Variants in NLGN1 observed in about 807,000 individuals in gnomAD.
NLGN1 encodes neuroligin-1.
Under a neutral mutation model 65.5 loss-of-function variants are expected in NLGN1, and 12 were observed. That is an observed-to-expected ratio of 0.18 (90% CI 0.12 to 0.30). The LOEUF is 0.30. Among genes scored for constraint, NLGN1 ranks in the 10% least tolerant of loss-of-function variants. The pLI is 1.00. For synonymous variants in NLGN1, 350 were observed against 359.5 expected (o/e 0.97, Z 0.30); for missense variants, 750 against 1,007.1 (o/e 0.74, Z 3.46).
chr3:173,450,377 G>A (rs1490794201), intron 2 of NLGN1, among the ~76,000 whole-genome samples: 1 of 152,128 alleles, frequency 6.6e-6, no homozygotes, highest in Non-Finnish European at 1.5e-5. Context: ...CTTTAAGAAC[G>A]TTGATATTGG....
intron 3 of NLGN1, among the ~76,000 whole-genome samples, chr3:173,626,903 T>A (rs749976633): frequency 2.6e-4 from 40 of 152,210 alleles, no homozygotes; most frequent in Non-Finnish European, 4.7e-4. Context: ...AAATAGCTGT[T>A]GTAAAAACTG....
chr3:173,965,593 C>T (rs745484535), intron 4 of NLGN1, among the ~76,000 whole-genome samples: 5 of 151,288 alleles, frequency 3.3e-5, no homozygotes, highest in Non-Finnish European at 5.9e-5. Context: ...GATAGGATTA[C>T]AGACGTGAGC....
At chr3:173,987,403 A>C (rs1199618607) in intron 4 of NLGN1, among the ~76,000 whole-genome samples, 1 of 152,190 alleles carries the variant, frequency 6.6e-6, no homozygotes, top group Non-Finnish European at 1.5e-5. Context: ...AAATTAGGTC[A>C]CCATTTATGT....
chr3:173,926,329 C>T (rs753747913), intron 4 of NLGN1, among the ~76,000 whole-genome samples: 3 of 152,034 alleles, frequency 2.0e-5, no homozygotes, highest in Non-Finnish European at 2.9e-5. Context: ...ATCTCAAAAA[C>T]GTCTAAGTCT....
At chr3:174,210,400 A>ATAT (rs752485647) in intron 4 of NLGN1, among the ~76,000 whole-genome samples, 4 of 152,226 alleles carry the variant, frequency 2.6e-5, no homozygotes, top group Non-Finnish European at 5.9e-5. Context: ...TATACAACAA[A>ATAT]TATTTGTTGA....
At chr3:174,107,017 C>CAGAG (rs71162376) in intron 4 of NLGN1, among the ~76,000 whole-genome samples, 31,835 of 97,314 alleles carry the variant, frequency 0.33, 6,027 homozygotes, top group Non-Finnish European at 0.39. Context: ...CACACACACA[C>CAGAG]AGAGAGAGAG....
intron 4 of NLGN1, among the ~76,000 whole-genome samples, chr3:174,215,688 A>G (rs76051258): frequency 1.3e-5 from 2 of 152,182 alleles, no homozygotes; most frequent in African/African-American, 4.8e-5. Context: ...ATGCAAAAAA[A>G]GCAGCTAATT....
Position 173,867,714 on chromosome 3 carries a change from A to G in NLGN1, c.646+59882A>G, listed in dbSNP as rs114885785. 2.9e-3 allele frequency among the ~76,000 whole-genome samples: 445 copies of G among 152,226 alleles called. 6 individuals are homozygous for G. Among genetic ancestry groups the G allele is most frequent in the Middle Eastern group, 0.01 (3 of 294 alleles). On this transcript the variant is annotated intron_variant, in intron 4 of 6. Coordinates refer to ENST00000457714, the Ensembl canonical transcript of NLGN1. ...TAGTGGTGATGAAGGGTACATTCCA[A>G]TTACTCTTTCAATTGTAATAATACA...
chr3:173,478,583 A>G (rs1209383717), intron 2 of NLGN1, among the ~76,000 whole-genome samples: 1 of 152,220 alleles, frequency 6.6e-6, no homozygotes, highest in East Asian at 1.9e-4. Flanking sequence ...TTTACAATGA[A>G]CAATGTCATG....
At chr3:173,611,855 A>G (rs1752352560) in intron 3 of NLGN1, among the ~76,000 whole-genome samples, 1 of 152,064 alleles carries the variant, frequency 6.6e-6, no homozygotes, top group African/African-American at 2.4e-5. Flanking sequence ...AACATTTAAG[A>G]TTTATGCCAC....
At chr3:174,074,977 T>A (rs576178189) in intron 4 of NLGN1, among the ~76,000 whole-genome samples, 1 of 152,294 alleles carries the variant, frequency 6.6e-6, no homozygotes, top group African/African-American at 2.4e-5. Context: ...AATCCACCAC[T>A]CTTGGTCTTC....
In NLGN1 at chr3:174,050,397, CAT is replaced by C. The variant is rs147947658; in HGVS notation, c.647-224917_647-224916del. ...TGACAGTGAAATTTGGACTTTGAAA[CAT>C]TTTTTTTTTCTGTTTTCAGTCCAGG... On this transcript the variant is annotated intron_variant, in intron 4 of 6. Transcript: ENST00000457714. 4.3e-3 allele frequency among the ~76,000 whole-genome samples: 655 copies of C among 151,816 alleles called. 7 individuals carry two copies. Among genetic ancestry groups the C allele is most frequent in the African/African-American group, 0.015 (616 of 41,496 alleles).
chr3:174,252,399 A>G (rs1391102792), intron 4 of NLGN1, among the ~76,000 whole-genome samples: 1 of 152,220 alleles, frequency 6.6e-6, no homozygotes, highest in East Asian at 1.9e-4. Context: ...TTCATATTAT[A>G]ACAAAATATT....
At chr3:173,921,999 G>C (rs1251491969) in intron 4 of NLGN1, among the ~76,000 whole-genome samples, 1 of 152,016 alleles carries the variant, frequency 6.6e-6, no homozygotes, top group Non-Finnish European at 1.5e-5. Flanking sequence ...AGCAACCCAG[G>C]GTGGTGCTAC....
At chr3:174,031,716 A>G (rs995271595) in intron 4 of NLGN1, among the ~76,000 whole-genome samples, 2 of 152,152 alleles carry the variant, frequency 1.3e-5, no homozygotes, top group African/African-American at 4.8e-5. Flanking sequence ...AGTAATAATG[A>G]TAGTCGTAGA....
At chr3:173,620,598 AC>A (rs1241098674) in intron 3 of NLGN1, among the ~76,000 whole-genome samples, 1 of 152,164 alleles carries the variant, frequency 6.6e-6, no homozygotes, top group African/African-American at 2.4e-5. Flanking sequence ...AGGCTGGAAT[AC>A]TGAACAAATT....
At chr3:173,572,350 A>G (rs1193330229) in intron 2 of NLGN1, among the ~76,000 whole-genome samples, 3 of 152,242 alleles carry the variant, frequency 2.0e-5, no homozygotes, top group Non-Finnish European at 4.4e-5. Context: ...AAGCAGATAA[A>G]TGATTTGTTC....
chr3:173,917,679 A>G, intron 4 of NLGN1, among the ~76,000 whole-genome samples: 1 of 152,192 alleles, frequency 6.6e-6, no homozygotes, highest in East Asian at 1.9e-4. Context: ...AGTCAGGAAG[A>G]TGTCTAAGCC....
At chr3:173,958,821 C>G (rs1340661208) in intron 4 of NLGN1, among the ~76,000 whole-genome samples, 1 of 152,168 alleles carries the variant, frequency 6.6e-6, no homozygotes, top group Non-Finnish European at 1.5e-5. Context: ...GTTGAGCTGC[C>G]CTCAGCACCC....
Sources: gnomAD v4.1 joint callset for allele counts (sites outside exome capture counted in the v4.1 genomes callset) on GRCh38, gnomAD v4.1.1 for gene constraint, MANE v1.5 for transcripts, NCBI Gene and HGNC (gene_info 2026-07-23, HGNC 2026-07-21) for gene names.